Variants in MOV10L1 observed in about 807,000 individuals in gnomAD.
MOV10L1 encodes Mov10 like RNA helicase 1, also known as RNA helicase Mov10l1.
MOV10L1 carries 110 observed loss-of-function variants against 143.8 expected under a neutral mutation model. The ratio of observed to expected loss-of-function variants is 0.76; its 90% CI spans 0.66 to 0.90. The LOEUF is 0.90. Among genes scored for constraint, MOV10L1 ranks in the 40% least tolerant of loss-of-function variants. The pLI is 0.00. For synonymous variants in MOV10L1, 593 were observed against 581.1 expected, an observed-to-expected ratio of 1.02 and a Z score of -0.29; for missense variants, 1,406 against 1,526.8, an observed-to-expected ratio of 0.92 and a Z score of 1.32.
chr22:50,104,031 C>G (rs1291307589), intron 3 of MOV10L1, among the ~76,000 whole-genome samples: 1 of 152,070 alleles, frequency 6.6e-6, no homozygotes, highest in Non-Finnish European at 1.5e-5. Flanking sequence ...CTAGATGGTC[C>G]CATCTGGGGG....
At chr22:50,091,944 A>C (rs2062455403) in intron 1 of MOV10L1, 57 bp from the exon 2 acceptor site, 2 of 1,532,572 alleles carry the variant, frequency 1.3e-6, no homozygotes, top group African/African-American at 2.7e-5. Context: ...GGTGGGGTTC[A>C]CTGTAGCGTA....
In MOV10L1 at chr22:50,099,496, C is replaced by T; in HGVS notation, c.336C>T (p.Pro112=). ...ACGACAGCAGAAACCATGGGAGTCC[C>T]TCAGACTGCGGCCCCCGAGTGTTGA... ...WEDDSRNHGS[P]SDCGPRVLIG... The change falls in exon 3 of 27, where the codon CCC becomes CCT. Residue 112 remains proline (P), a synonymous_variant. Coordinates refer to ENST00000262794, the MANE Select transcript of MOV10L1 (RefSeq NM_018995.3). The T allele has an allele frequency of 1.2e-6, 2 of 1,614,174 alleles. No individual in the cohort carries two copies. The highest frequency in any genetic ancestry group is 2.2e-5 in the East Asian group (1 of 44,892).
At chr22:50,146,099 G>A (rs949167280) in intron 19 of MOV10L1, among the ~76,000 whole-genome samples, 4 of 152,122 alleles carry the variant, frequency 2.6e-5, no homozygotes, top group Non-Finnish European at 5.9e-5. Flanking sequence ...GGAGACTGTA[G>A]AGCCAGAGCC....
At chr22:50,105,336 A>T (rs1021408832) in intron 3 of MOV10L1, among the ~76,000 whole-genome samples, 1 of 152,158 alleles carries the variant, frequency 6.6e-6, no homozygotes, top group Non-Finnish European at 1.5e-5. Context: ...CATTCTTTTC[A>T]TGTGTAGGCC....
chr22:50,135,460 A>G (rs2062798508), intron 15 of MOV10L1, among the ~76,000 whole-genome samples: 1 of 152,102 alleles, frequency 6.6e-6, no homozygotes, highest in African/African-American at 2.4e-5. Flanking sequence ...GATATTTTAT[A>G]AAAACTTCTA....
At position 50,117,316 on chromosome 22, in the gene MOV10L1, C is replaced by G; in HGVS notation, c.1419C>G (p.Ser473=). 6.2e-7 allele frequency: 1 copy of G among 1,613,958 alleles called. No individual in the cohort carries two copies. The highest frequency in any genetic ancestry group is 8.5e-7 in the Non-Finnish European group (1 of 1,179,966). Residue 473 remains serine (S), a synonymous_variant, in exon 9 of 27, where the codon TCC becomes TCG. Coordinates refer to ENST00000262794, the MANE Select transcript of MOV10L1 (RefSeq NM_018995.3). ...KKLKSSQALT[S]AKTTVVVTAQ... ...TTAAAAGTTCACAAGCGTTAACATC[C>G]GCAAAAACTACAGTTGTTGTGACCG... is the stretch of plus-strand genomic sequence containing the variant.
Position 50,125,262 on chromosome 22 carries a change from G to A in MOV10L1, c.1570-130G>A, listed in dbSNP as rs144113097. The stretch of plus-strand genomic sequence containing the variant: ...ACTTACTGAGGCACCTGCAGACTCC[G>A]GCGAGGATCGCCCCACCTGGGGGGC... On this transcript the variant is annotated intron_variant, in intron 10 of 26. Coordinates refer to ENST00000262794, the MANE Select transcript of MOV10L1 (RefSeq NM_018995.3). The A allele has an allele frequency of 4.8e-4, 418 of 863,924 alleles. 1 individual carries two copies. The highest frequency in any genetic ancestry group is 4.0e-3 in the African/African-American group (235 of 58,970). The allele number at this position is 863,924 out of a possible 1,614,324, so 53.5% of individuals were successfully genotyped here. A position where few individuals can be genotyped will look rare whatever the true frequency, so the allele number is the denominator to read the frequency against.
chr22:50,138,143 C>T (rs1335058358), intron 15 of MOV10L1, among the ~76,000 whole-genome samples: 1 of 152,070 alleles, frequency 6.6e-6, no homozygotes, highest in Non-Finnish European at 1.5e-5. Flanking sequence ...CTACAAAAAC[C>T]TACTTAGTGA....
At chr22:50,153,442 A>G (rs969878197) in intron 22 of MOV10L1, among the ~76,000 whole-genome samples, 1 of 152,140 alleles carries the variant, frequency 6.6e-6, no homozygotes, top group Admixed American at 6.5e-5. Flanking sequence ...CACAGGCACC[A>G]CTCTCAGGTG....
In MOV10L1 at chr22:50,115,199, T is replaced by C; in HGVS notation, c.1212T>C (p.Leu404=). Reference sequence around the variant, plus strand: ...TGACAGAGCCTGAGCCTGGGGGGCTTGTCCCTCCAGGGGGAAAAACCTTCA... The same window carrying C: ...TGACAGAGCCTGAGCCTGGGGGGCTCGTCCCTCCAGGGGGAAAAACCTTCA... The part of the protein sequence containing the change: ...KQMTEPEPGG[L]VPPGGKTFIV... Residue 404 remains leucine (L), a synonymous_variant, in exon 8 of 27, where the codon CTT becomes CTC. Transcript: ENST00000262794. 6.4e-7 allele frequency: 1 copy of C among 1,553,794 alleles called. No individual in the cohort carries two copies. Among genetic ancestry groups the C allele is most frequent in the Non-Finnish European group, 8.6e-7 (1 of 1,159,334 alleles).
intron 3 of MOV10L1, among the ~76,000 whole-genome samples, chr22:50,103,849 G>A (rs2061805612): frequency 6.6e-6 from 1 of 152,218 alleles, no homozygotes; most frequent in Non-Finnish European, 1.5e-5. Flanking sequence ...TTTTGTGAAA[G>A]ATAATTTTTT....
At chr22:50,096,035 TA>T (rs1356857144) in intron 2 of MOV10L1, 1 of 152,232 alleles carries the variant, frequency 6.6e-6, no homozygotes, top group Non-Finnish European at 1.5e-5. Flanking sequence ...TTTATTTAGA[TA>T]TTTTTCTTGT....
rs2063036238 is a variant in MOV10L1 at position 50,143,056 on chromosome 22, G to A, written c.2193G>A (p.Gln731=). The change falls in exon 17 of 27, where the codon CAG becomes CAA. Residue 731 remains glutamine, a synonymous_variant. Coordinates refer to ENST00000262794, the MANE Select transcript of MOV10L1 (RefSeq NM_018995.3). Reference sequence around the variant, plus strand: ...CTTTGAATACAGTAGATGAAATTCAGACCCCTAAAGCAAGAAAGATGGAGT... The same window carrying A: ...CTTTGAATACAGTAGATGAAATTCAAACCCCTAAAGCAAGAAAGATGGAGT... The part of the protein sequence containing the change: ...AEMSDWVDEI[Q]TPKARKMEFF... The A allele has an allele frequency of 1.9e-6, 3 of 1,613,836 alleles. No individual in the cohort carries two copies. The highest frequency in any genetic ancestry group is 2.5e-6 in the Non-Finnish European group (3 of 1,179,960).
At chr22:50,110,844 T>C (rs955270712) in intron 5 of MOV10L1, among the ~76,000 whole-genome samples, 1 of 151,914 alleles carries the variant, frequency 6.6e-6, no homozygotes, top group Non-Finnish European at 1.5e-5. Context: ...GGCAGGAGAA[T>C]TGCTTGAACC....
intron 3 of MOV10L1, among the ~76,000 whole-genome samples, chr22:50,100,245 G>A (rs183003477): frequency 8.0e-4 from 122 of 152,080 alleles, no homozygotes; most frequent in Non-Finnish European, 1.4e-3. Flanking sequence ...CACCTGCCTC[G>A]GCCTCCTAAA....
At chr22:50,127,728 C>T (rs1414029193) in intron 12 of MOV10L1, among the ~76,000 whole-genome samples, 1 of 151,848 alleles carries the variant, frequency 6.6e-6, no homozygotes, top group African/African-American at 2.4e-5. Flanking sequence ...CTTGCTTTAG[C>T]TGGAGGGCTT....
rs1169589738 is a variant in MOV10L1, at chr22:50,150,828, CTGA to C, written c.2824_2826del (p.Met942del). On this transcript the variant is annotated inframe_deletion, in exon 21 of 27. Coordinates refer to ENST00000262794, the MANE Select transcript of MOV10L1 (RefSeq NM_018995.3). ...GCTGAACGTGTCCTTTTTGGAACGG[CTGA>C]TGTCTCGACCCGCGTACCAGAGGGA... is the stretch of plus-strand genomic sequence containing the variant. The C allele has an allele frequency of 6.2e-7, 1 of 1,614,216 alleles. No individual in the cohort carries two copies. The highest frequency in any genetic ancestry group is 2.2e-5 in the East Asian group (1 of 44,890).
chr22:50,141,419 C>T (rs2062983013), intron 15 of MOV10L1, among the ~76,000 whole-genome samples: 1 of 151,988 alleles, frequency 6.6e-6, no homozygotes, highest in Non-Finnish European at 1.5e-5. Flanking sequence ...AGCCCCGCCT[C>T]CTGGGCTCAA....
chr22:50,125,542 G>T lies in MOV10L1; in HGVS notation c.1720G>T (p.Ala574Ser), dbSNP rs2062474633. Residue 574 changes from alanine (A) to serine (S), a missense_variant, in exon 11 of 27, where the codon GCC (alanine) becomes TCC (serine). Around this residue, in one of 3 missense-constraint regions of MOV10L1, gnomAD observed 1,233 missense variants for 1,351.4 expected, o/e 0.91. Transcript: ENST00000262794. ...DLLVLEVPGL[A>S]EGRPSLYAGD... is the part of the protein sequence containing the mutation. Reference sequence around the variant, plus strand: ...GCTGGTTCTGGAGGTCCCAGGGTTGGCCGAAGGGAGGCCTTCTCTCTACGC... The same window carrying T: ...GCTGGTTCTGGAGGTCCCAGGGTTGTCCGAAGGGAGGCCTTCTCTCTACGC... 6.2e-7 allele frequency: 1 copy of T among 1,614,188 alleles called. No homozygotes were observed. The highest frequency in any genetic ancestry group is 1.3e-5 in the African/African-American group (1 of 75,048).
Sources: gnomAD v4.1 joint callset for allele counts (sites outside exome capture counted in the v4.1 genomes callset) on GRCh38, gnomAD v4.1.1 for gene constraint, gnomAD v4.1.1 regional missense constraint, MANE v1.5 for transcripts, NCBI Gene and HGNC (gene_info 2026-07-23, HGNC 2026-07-21) for gene names.